The following EPHA6 variants were observed in gnomAD, a reference collection of about 807,000 sequenced individuals.
EPHA6 encodes the protein EPH receptor A6, also known as ephrin type-A receptor 6.
In EPHA6, 50 loss-of-function variants were observed where a neutral mutation model predicts 112.0. The observed-to-expected ratio is 0.45, with a 90% CI of 0.36 to 0.56. The LOEUF is 0.56. Ranked by LOEUF, EPHA6 falls within the 20% of genes least tolerant of loss-of-function variation. EPHA6 has a pLI of 0.00. For synonymous variants in EPHA6, 529 were observed against 490.7 expected, an observed-to-expected ratio of 1.08 and a Z score of -1.03; for missense variants, 1,280 against 1,417.4, an observed-to-expected ratio of 0.90 and a Z score of 1.56.
chr3:97,674,600 A>G (rs1418280506), intron 14 of EPHA6, among the ~76,000 whole-genome samples: 1 of 152,172 alleles, frequency 6.6e-6, no homozygotes, highest in Non-Finnish European at 1.5e-5. Flanking sequence ...GGACAATTCA[A>G]TTACTGAGTT....
intron 12 of EPHA6, among the ~76,000 whole-genome samples, chr3:97,595,039 ATAGT>A (rs2093575940): frequency 6.6e-6 from 1 of 152,184 alleles, no homozygotes; most frequent in Non-Finnish European, 1.5e-5. Context: ...CTTATATATA[ATAGT>A]TTGTGCTTCA....
At chr3:97,328,880 T>A (rs2082622595) in intron 5 of EPHA6, among the ~76,000 whole-genome samples, 1 of 152,140 alleles carries the variant, frequency 6.6e-6, no homozygotes, top group Non-Finnish European at 1.5e-5. Flanking sequence ...GTTTGTTACA[T>A]ATGTATGCAT....
intron 11 of EPHA6, among the ~76,000 whole-genome samples, chr3:97,582,495 C>T (rs775561329): frequency 2.0e-5 from 3 of 152,166 alleles, no homozygotes; most frequent in South Asian, 4.1e-4. Context: ...AATCCCATGT[C>T]TTACCTCATG....
chr3:96,937,233 A>G (rs994024103), intron 2 of EPHA6, among the ~76,000 whole-genome samples: 2 of 152,202 alleles, frequency 1.3e-5, no homozygotes, highest in Non-Finnish European at 2.9e-5. Context: ...ACAGTGTAAA[A>G]GTGTTCCTAT....
chr3:97,713,648 C>T (rs1161523708), intron 14 of EPHA6, among the ~76,000 whole-genome samples: 1 of 152,316 alleles, frequency 6.6e-6, no homozygotes, highest in African/African-American at 2.4e-5. Context: ...ATCCCATGTG[C>T]ATGCATGCAT....
chr3:97,153,343 CAAA>C (rs948615570), intron 3 of EPHA6, among the ~76,000 whole-genome samples: 1 of 151,452 alleles, frequency 6.6e-6, no homozygotes, highest in East Asian at 1.9e-4. Flanking sequence ...ATAGTTTAAA[CAAA>C]AAAAATCCAT....
intron 14 of EPHA6, among the ~76,000 whole-genome samples, chr3:97,639,013 C>A (rs564219466): frequency 6.6e-6 from 1 of 151,982 alleles, no homozygotes; most frequent in East Asian, 1.9e-4. Flanking sequence ...TTCAGTTACT[C>A]CAGAATAAAA....
At chr3:96,918,709 T>G (rs1336588644) in intron 2 of EPHA6, among the ~76,000 whole-genome samples, 1 of 152,024 alleles carries the variant, frequency 6.6e-6, no homozygotes, top group Non-Finnish European at 1.5e-5. Flanking sequence ...GTACAAAACA[T>G]ATAGGAAGGT....
At chr3:97,117,002 G>C (rs1457563087) in intron 3 of EPHA6, among the ~76,000 whole-genome samples, 1 of 151,524 alleles carries the variant, frequency 6.6e-6, no homozygotes, top group East Asian at 1.9e-4. Flanking sequence ...CTTATCGTTT[G>C]TCTTTTTGGT....
intron 5 of EPHA6, among the ~76,000 whole-genome samples, chr3:97,392,569 A>T (rs1177797347): frequency 6.6e-6 from 1 of 151,678 alleles, no homozygotes; most frequent in Non-Finnish European, 1.5e-5. Context: ...TTATTTTTGT[A>T]TGCCTATATA....
At chr3:97,440,427 C>G (rs1349357692) in intron 6 of EPHA6, among the ~76,000 whole-genome samples, 1 of 151,702 alleles carries the variant, frequency 6.6e-6, no homozygotes, top group Non-Finnish European at 1.5e-5. Flanking sequence ...TGAAATTTTA[C>G]TAATTATTTT....
chr3:97,645,746 T>C (rs1244927660), intron 14 of EPHA6, among the ~76,000 whole-genome samples: 1 of 152,194 alleles, frequency 6.6e-6, no homozygotes, highest in Non-Finnish European at 1.5e-5. Flanking sequence ...CCTTGATACG[T>C]ATATATTTTA....
chr3:97,567,384 G>GA (rs556337445), intron 11 of EPHA6, among the ~76,000 whole-genome samples: 92 of 151,000 alleles, frequency 6.1e-4, no homozygotes, highest in Non-Finnish European at 1.1e-3. Flanking sequence ...GAATACAATG[G>GA]AAAAAAAAAT....
intron 6 of EPHA6, among the ~76,000 whole-genome samples, chr3:97,423,616 A>G (rs2088860132): frequency 1.3e-5 from 2 of 152,310 alleles, no homozygotes; most frequent in South Asian, 2.1e-4. Flanking sequence ...CTATCAATCT[A>G]CCTATGACAT....
At chr3:97,151,883 C>T (rs948355819) in intron 3 of EPHA6, among the ~76,000 whole-genome samples, 3 of 151,480 alleles carry the variant, frequency 2.0e-5, no homozygotes, top group African/African-American at 7.3e-5. Context: ...AAGTATGTAT[C>T]GTAGTAATTA....
intron 3 of EPHA6, among the ~76,000 whole-genome samples, chr3:97,131,016 C>G (rs1181267611): frequency 6.6e-6 from 1 of 152,014 alleles, no homozygotes; most frequent in Non-Finnish European, 1.5e-5. Flanking sequence ...ATTATTCCAT[C>G]AGGAAAAATC....
chr3:97,470,791 T>C lies in EPHA6; in HGVS notation c.1895-4561T>C, dbSNP rs1469716282. 3.3e-5 allele frequency among the ~76,000 whole-genome samples: 5 copies of C among 151,672 alleles called. No homozygotes were observed. The East Asian group carries it at 7.7e-4, about 23-fold the overall frequency. On this transcript the variant is annotated intron_variant, in intron 7 of 17. Coordinates refer to ENST00000389672, the MANE Select transcript of EPHA6 (RefSeq NM_001080448.3). ...ATAATTGCTTCCTCTTAAGGAAGTA[T>C]ACTTCTTCCCAAATCATAGAATGAA...
intron 16 of EPHA6, among the ~76,000 whole-genome samples, chr3:97,743,137 T>C (rs1033652988): frequency 6.6e-6 from 1 of 152,152 alleles, no homozygotes; most frequent in Non-Finnish European, 1.5e-5. Flanking sequence ...AAACAGCATA[T>C]TATTTAATAA....
chr3:97,666,154 C>T (rs2030082599), intron 14 of EPHA6, among the ~76,000 whole-genome samples: 2 of 152,056 alleles, frequency 1.3e-5, no homozygotes, highest in South Asian at 2.1e-4. Flanking sequence ...ACATTTTCCC[C>T]CCTTGTTTCC....
Sources: allele counts gnomAD v4.1 joint callset (sites outside exome capture counted in the v4.1 genomes callset), GRCh38; gene constraint gnomAD v4.1.1; transcripts MANE v1.5; gene names NCBI Gene and HGNC (gene_info 2026-07-23, HGNC 2026-07-21).